Variants in CRELD1 observed in about 807,000 individuals in gnomAD.
CRELD1 encodes the protein protein disulfide isomerase CRELD1.
In CRELD1, 42 loss-of-function variants were observed where a neutral mutation model predicts 58.2. The observed-to-expected ratio is 0.72, with a 90% CI of 0.56 to 0.93. The LOEUF (loss-of-function observed/expected upper bound fraction) is 0.93. Ranked by LOEUF, CRELD1 falls within the 40% of genes least tolerant of loss-of-function variation. CRELD1 has a pLI of 0.00. For synonymous variants in CRELD1, 222 were observed against 202.0 expected, an observed-to-expected ratio of 1.10 and a Z score of -0.84; for missense variants, 500 against 540.6, an observed-to-expected ratio of 0.92 and a Z score of 0.74.
At chr3:9,938,148 G>T in intron 5 of CRELD1, 42 bp downstream of exon 5, 2 of 1,442,230 alleles carry the variant, frequency 1.4e-6, no homozygotes, top group East Asian at 2.3e-5. Flanking sequence ...GGGGACCACC[G>T]AGTCCAGGGA....
At chr3:9,936,685 C>T (rs1000559815) in intron 3 of CRELD1, among the ~76,000 whole-genome samples, 3 of 152,042 alleles carry the variant, frequency 2.0e-5, no homozygotes, top group Admixed American at 6.6e-5. Context: ...CATTACCCCC[C>T]CAAAAAATCC....
chr3:9,943,618 C>A, intron 10 of CRELD1, 103 bp downstream of exon 10: 1 of 1,594,526 alleles, frequency 6.3e-7, no homozygotes, highest in South Asian at 1.1e-5. Flanking sequence ...CCCATCCCTA[C>A]TGCCACCCAG....
In CRELD1 at chr3:9,944,015, T is replaced by G. The variant is rs531414750; in HGVS notation, c.1049-350T>G. Reference sequence around the variant, plus strand: ...GAAGATGCAGAGAGATGAAGCTACTTTCCCAGGGCTATATGGCAAGCAAGT... The same window carrying G: ...GAAGATGCAGAGAGATGAAGCTACTGTCCCAGGGCTATATGGCAAGCAAGT... On this transcript the variant is annotated intron_variant, in intron 10 of 10. Coordinates refer to ENST00000452070, the MANE Select transcript of CRELD1 (RefSeq NM_001077415.3). 4 of 916,380 alleles carry G rather than the reference T, an allele frequency of 4.4e-6. No homozygotes were observed. The South Asian group carries it at 5.2e-5, about 12-fold the overall frequency. 56.8% of individuals were successfully genotyped at this position (916,380 alleles called of 1,614,324 possible). A position where few individuals can be genotyped will look rare whatever the true frequency, so the allele number is the denominator to read the frequency against.
At position 9,934,531 on chromosome 3, in the gene CRELD1, C is replaced by A; in HGVS notation, c.93C>A (p.Pro31=). The A allele has an allele frequency of 6.2e-7, 1 of 1,614,090 alleles. No individual in the cohort carries two copies. The highest frequency in any genetic ancestry group is 1.6e-4 in the Middle Eastern group (1 of 6,062). ...TCCCAGGACCTATCTGGCTCCAGCC[C>A]TCTCCACCTCCCCAGTCTTCTCCCC... The part of the protein sequence containing the change: ...LNLPGPIWLQ[P]SPPPQSSPPP... Residue 31 remains proline, a synonymous_variant, in exon 2 of 11, where the codon CCC becomes CCA. Coordinates refer to ENST00000452070, the MANE Select transcript of CRELD1 (RefSeq NM_001077415.3).
chr3:9,934,970 G>A, intron 3 of CRELD1, 53 bp downstream of exon 3: 1 of 1,463,210 alleles, frequency 6.8e-7, no homozygotes, highest in African/African-American at 1.4e-5. Context: ...CCAAATCTCT[G>A]CTCTGCTGGT....
intron 10 of CRELD1, chr3:9,944,075 C>T (rs753153392): frequency 1.3e-6 from 1 of 799,014 alleles, no homozygotes; most frequent in Admixed American, 1.7e-5. Flanking sequence ...ACAGTCTGAC[C>T]GTGGAACGAG....
At position 9,942,834 on chromosome 3, in the gene CRELD1, A is replaced by C. The variant is rs1250281461; in HGVS notation, c.755A>C (p.Glu252Ala). The part of the protein sequence containing the change: ...KCVDIDECGT[E>A]GANCGADQFC... ...GCAGACATTGATGAGTGTGGCACAGAGGGAGCCAACTGTGGAGCTGACCAA... is the reference window on the plus strand; with the variant it reads ...GCAGACATTGATGAGTGTGGCACAGCGGGAGCCAACTGTGGAGCTGACCAA... The change falls in exon 8 of 11, where the codon GAG (glutamate) becomes GCG (alanine). Residue 252 changes from glutamate (E) to alanine (A), a missense_variant. Coordinates refer to ENST00000452070, the MANE Select transcript of CRELD1 (RefSeq NM_001077415.3). The C allele has an allele frequency of 7.4e-6, 12 of 1,613,850 alleles. No homozygotes were observed. The highest frequency in any genetic ancestry group is 1.0e-5 in the Non-Finnish European group (12 of 1,179,828).
At chr3:9,934,399 C>G (rs1056739213) in intron 1 of CRELD1, 21 bp from the exon 2 acceptor site, 1 of 1,588,120 alleles carries the variant, frequency 6.3e-7, no homozygotes, top group Non-Finnish European at 8.6e-7. Flanking sequence ...AGTGAAGCCT[C>G]TCCACGCCCT....
intron 1 of CRELD1, 152 bp from the exon 2 acceptor site, chr3:9,934,267 AC>A (rs2085096333): frequency 4.7e-6 from 3 of 635,542 alleles, no homozygotes; most frequent in Non-Finnish European, 8.4e-6. Flanking sequence ...GCCTTTCCCC[AC>A]CCATCCCCAC....
chr3:9,938,845 G>T (rs1193720474), intron 5 of CRELD1, among the ~76,000 whole-genome samples: 1 of 151,484 alleles, frequency 6.6e-6, no homozygotes, highest in African/African-American at 2.4e-5. Flanking sequence ...GGGCGACAGA[G>T]CGAGACTCTG....
intron 3 of CRELD1, chr3:9,935,127 A>G (rs868254460): frequency 1.8e-5 from 10 of 556,786 alleles, no homozygotes; most frequent in Middle Eastern, 4.7e-4. Context: ...TGAGTAAGTG[A>G]ATAATATTAT....
intron 7 of CRELD1, among the ~76,000 whole-genome samples, chr3:9,941,754 C>CACT (rs2085374079): frequency 7.5e-6 from 1 of 133,444 alleles, no homozygotes; most frequent in Non-Finnish European, 1.5e-5. Flanking sequence ...CGCACCACTG[C>CACT]ACTCCAGTCT....
At chr3:9,940,702 C>T (rs1477344894) in intron 5 of CRELD1, 148 bp from the exon 6 acceptor site, 41 of 557,052 alleles carry the variant, frequency 7.4e-5, no homozygotes, top group Non-Finnish European at 1.3e-4. Context: ...AGAGGGAGGC[C>T]ATGGGGAGAG....
At position 9,941,211 on chromosome 3, in the gene CRELD1, G is replaced by A. The variant is rs779446711; in HGVS notation, c.733+5G>A. On this transcript the variant is annotated splice_donor_5th_base_variant and intron_variant, in intron 7 of 10. Transcript: ENST00000452070. ...TGCATCACCTCAAGTGTGTAGGTAA[G>A]TGGGGCCCTAGCTAGGTCTGGGAAG... 1 of 1,611,688 alleles carries A rather than the reference G, an allele frequency of 6.2e-7. No homozygotes were observed. Among genetic ancestry groups the A allele is most frequent in the East Asian group, 2.2e-5 (1 of 44,828 alleles).
rs893772695 is a variant in CRELD1 at position 9,941,262 on chromosome 3, T to C, written c.733+56T>C. The stretch of plus-strand genomic sequence containing the variant: ...ATGGTCAGGGGCCTGGGCTTGGTCC[T>C]TTATTCTCTCAACACAAGCCTGGGC... On this transcript the variant is annotated intron_variant, in intron 7 of 10. Transcript: ENST00000452070. The C allele has an allele frequency of 2.7e-6, 4 of 1,484,866 alleles. No homozygotes were observed. The African/African-American group carries it at 5.5e-5, about 21-fold the overall frequency. The allele number at this position is 1,484,866 out of a possible 1,614,324, so 92.0% of individuals were successfully genotyped here. A position where few individuals can be genotyped will look rare whatever the true frequency, so the allele number is the denominator to read the frequency against.
In CRELD1 at chr3:9,940,933, G is replaced by A; in HGVS notation, c.544G>A (p.Asp182Asn). The change falls in exon 6 of 11, where the codon GAC (aspartate) becomes AAC (asparagine). Residue 182 changes from aspartate (D) to asparagine (N), a missense_variant. Transcript: ENST00000452070. The stretch of plus-strand genomic sequence containing the variant: ...GACACGAGGGGGCAGCGGGCACTGT[G>A]ACTGCCAAGCCGGCTACGGGGGTGA... ...EGTRGGSGHC[D>N]CQAGYGGEAC... is the part of the protein sequence containing the mutation. The A allele has an allele frequency of 6.2e-7, 1 of 1,614,168 alleles. No individual in the cohort carries two copies. Among genetic ancestry groups the A allele is most frequent in the Non-Finnish European group, 8.5e-7 (1 of 1,180,020 alleles).
chr3:9,943,762 C>G (rs2085437079), intron 10 of CRELD1: 1 of 1,594,040 alleles, frequency 6.3e-7, no homozygotes, highest in Non-Finnish European at 8.5e-7. Flanking sequence ...CCTGTTTCCT[C>G]ATCTATCCAA....
chr3:9,939,951 C>T (rs1352039808), intron 5 of CRELD1, among the ~76,000 whole-genome samples: 7 of 150,842 alleles, frequency 4.6e-5, no homozygotes, highest in South Asian at 2.1e-4. Context: ...GGCGGCTGGC[C>T]GGGCGGGGGG....
In CRELD1 at chr3:9,934,409, T is replaced by G; in HGVS notation, c.-19-11T>G. 6.2e-7 allele frequency: 1 copy of G among 1,607,114 alleles called. No individual in the cohort carries two copies. The highest frequency in any genetic ancestry group is 8.5e-7 in the Non-Finnish European group (1 of 1,173,862). The stretch of plus-strand genomic sequence containing the variant: ...CCTTCAGTGAAGCCTCTCCACGCCC[T>G]CTATCTGCAGGTCCCCAGCCTGGGT... On this transcript the variant is annotated splice_polypyrimidine_tract_variant and intron_variant, in intron 1 of 10. Transcript: ENST00000452070.
Sources: gnomAD v4.1 joint callset for allele counts (sites outside exome capture counted in the v4.1 genomes callset) on GRCh38, gnomAD v4.1.1 for gene constraint, MANE v1.5 for transcripts, NCBI Gene and HGNC (gene_info 2026-07-23, HGNC 2026-07-21) for gene names.